GOLGA4: variants seen among roughly 807,000 people sequenced by gnomAD.
The protein encoded by GOLGA4 is golgin A4.
GOLGA4 carries 169 observed loss-of-function variants against 265.9 expected under a neutral mutation model. The observed-to-expected ratio is 0.64, with a 90% CI of 0.56 to 0.72. The LOEUF is 0.72. Ranked by LOEUF, GOLGA4 falls within the 30% of genes least tolerant of loss-of-function variation. The probability of loss-of-function intolerance (pLI) is 0.00; values close to 1 mark genes in which losing one functional copy is unlikely to be tolerated. For missense variants in GOLGA4, 2,482 were observed against 2,483.4 expected (o/e 1.00, Z 0.01); for synonymous variants, 923 against 855.8 (o/e 1.08, Z -1.37).
At position 37,255,390 on chromosome 3, in the gene GOLGA4, C is replaced by T. The variant is rs1002369895; in HGVS notation, c.162+3906C>T. Among the ~76,000 whole-genome samples the T allele has an allele frequency of 5.3e-5, 8 of 151,938 alleles. No homozygotes were observed. In the East Asian group the frequency reaches 1.2e-3, roughly 22 times the overall value. On this transcript the variant is annotated intron_variant, in intron 2 of 23. Coordinates refer to ENST00000361924, the MANE Select transcript of GOLGA4 (RefSeq NM_002078.5). Reference sequence around the variant, plus strand: ...GTTGGCCAGGCTGGTCTTGAACTCCCGACCTCAGGTGATCCATCCGCCTCG... The same window carrying T: ...GTTGGCCAGGCTGGTCTTGAACTCCTGACCTCAGGTGATCCATCCGCCTCG...
In GOLGA4 at chr3:37,326,274, T is replaced by C. The variant is rs1246247349; in HGVS notation, c.4388T>C (p.Leu1463Ser). 4 of 1,613,156 alleles carry C rather than the reference T, an allele frequency of 2.5e-6. No individual in the cohort carries two copies. The highest frequency in any genetic ancestry group is 3.4e-6 in the Non-Finnish European group (4 of 1,179,528). Reference protein sequence around the residue: ...FTQHQNTVKELQIQLELKSKE... With the variant: ...FTQHQNTVKESQIQLELKSKE... ...CAGCATCAAAACACTGTTAAAGAAT[T>C]GCAGATCCAGCTTGAGTTAAAATCA... Residue 1463 changes from leucine (L) to serine (S), a missense_variant, in exon 14 of 24, where the codon TTG (leucine) becomes TCG (serine). Transcript: ENST00000361924.
intron 2 of GOLGA4, among the ~76,000 whole-genome samples, chr3:37,257,163 A>C (rs1480049828): frequency 6.6e-6 from 1 of 152,190 alleles, no homozygotes; most frequent in Non-Finnish European, 1.5e-5. Flanking sequence ...TATAAATGGA[A>C]TCATTCGATA....
At chr3:37,288,569 T>C (rs1257002914) in intron 4 of GOLGA4, among the ~76,000 whole-genome samples, 1 of 149,606 alleles carries the variant, frequency 6.7e-6, no homozygotes, top group Non-Finnish European at 1.5e-5. Context: ...CTCTGCCTCC[T>C]GGGTTCACGC....
intron 22 of GOLGA4, among the ~76,000 whole-genome samples, chr3:37,356,025 C>T (rs892831412): frequency 2.0e-5 from 3 of 152,116 alleles, no homozygotes; most frequent in African/African-American, 7.2e-5. Context: ...GTCTGAGCAT[C>T]TCCAATAAAG....
At position 37,327,183 on chromosome 3, in the gene GOLGA4, A is replaced by G. The variant is rs766208650; in HGVS notation, c.5297A>G (p.His1766Arg). The change falls in exon 14 of 24, where the codon CAT becomes CGT. Residue 1766 changes from histidine to arginine, a missense_variant. Physicochemically the swap from His to Arg is conservative, Grantham distance 29. Around this residue, in one of 3 missense-constraint regions of GOLGA4, gnomAD observed 942 missense variants for 983.1 expected, o/e 0.96. Coordinates refer to ENST00000361924, the MANE Select transcript of GOLGA4 (RefSeq NM_002078.5). ...GAAAAAGAAGAGACAGTTTCTTCTCATTTTGAAATGCGATGCCAATACCAG... is the reference window on the plus strand; with the variant it reads ...GAAAAAGAAGAGACAGTTTCTTCTCGTTTTGAAATGCGATGCCAATACCAG... Reference protein sequence around the residue: ...GQEKEETVSSHFEMRCQYQER... With the variant: ...GQEKEETVSSRFEMRCQYQER... The G allele has an allele frequency of 2.5e-6, 4 of 1,613,914 alleles. No homozygotes were observed. In the East Asian group the frequency reaches 8.9e-5, roughly 36 times the overall value.
chr3:37,317,012 C>G (rs2096939586), intron 11 of GOLGA4, among the ~76,000 whole-genome samples: 1 of 152,024 alleles, frequency 6.6e-6, no homozygotes, highest in South Asian at 2.1e-4. Context: ...GAGATTGTTC[C>G]TTAGCCATTG....
At chr3:37,314,426 A>C (rs1342053617) in intron 10 of GOLGA4, among the ~76,000 whole-genome samples, 1 of 151,986 alleles carries the variant, frequency 6.6e-6, no homozygotes, top group Non-Finnish European at 1.5e-5. Flanking sequence ...GGATCACTTG[A>C]GGTCAGGAGT....
chr3:37,266,883 G>A (rs2096785200), intron 2 of GOLGA4: 2 of 1,288,660 alleles, frequency 1.6e-6, no homozygotes, highest in Non-Finnish European at 2.0e-6. Flanking sequence ...TTCTCTCTGA[G>A]TATACTATCT....
intron 5 of GOLGA4, among the ~76,000 whole-genome samples, chr3:37,294,116 T>G (rs1385606626): frequency 1.3e-5 from 2 of 152,228 alleles, no homozygotes; most frequent in Non-Finnish European, 2.9e-5. Context: ...GGTGGCTGGT[T>G]TTGCAGAGAG....
At position 37,302,398 on chromosome 3, in the gene GOLGA4, A is replaced by G. The variant is rs934221419; in HGVS notation, c.1234+66A>G. On this transcript the variant is annotated intron_variant, in intron 10 of 23. Coordinates refer to ENST00000361924, the MANE Select transcript of GOLGA4 (RefSeq NM_002078.5). ...AAGTTATTTAAAGTGCTTGACCAGT[A>G]TTTTTAAAAATGAGTTAAATATTGA... 3.3e-5 allele frequency: 44 copies of G among 1,353,464 alleles called. No homozygotes were observed. In the African/African-American group the frequency reaches 6.4e-4, roughly 20 times the overall value. The allele number at this position is 1,353,464 out of a possible 1,614,324, so 83.8% of individuals were successfully genotyped here.
chr3:37,335,875 G>A (rs548990075), intron 17 of GOLGA4, among the ~76,000 whole-genome samples: 1 of 152,162 alleles, frequency 6.6e-6, no homozygotes, highest in African/African-American at 2.4e-5. Flanking sequence ...CCACAGTTGG[G>A]GAAGGCTGGC....
intron 2 of GOLGA4, among the ~76,000 whole-genome samples, chr3:37,253,864 A>G (rs1377257169): frequency 1.3e-5 from 2 of 152,076 alleles, no homozygotes; most frequent in Non-Finnish European, 2.9e-5. Flanking sequence ...AAAAATACAA[A>G]AATTAGCCAG....
In GOLGA4 at chr3:37,315,542, A is replaced by C; in HGVS notation, c.1357A>C (p.Ile453Leu). The C allele has an allele frequency of 6.2e-7, 1 of 1,614,038 alleles. No homozygotes were observed. Among genetic ancestry groups the C allele is most frequent in the Non-Finnish European group, 8.5e-7 (1 of 1,179,886 alleles). The change falls in exon 11 of 24, where the codon ATC becomes CTC. Residue 453 changes from isoleucine (I) to leucine (L), a missense_variant. Physicochemically the swap from Ile to Leu is conservative, Grantham distance 5. Transcript: ENST00000361924. ...CGAAAAAACAAGTGAGGAGGAACGC[A>C]TCAGTCTTCAACAGGAATTAAGTCG... The part of the protein sequence containing the change: ...TIEKTSEEER[I>L]SLQQELSRVK...
chr3:37,299,340 A>G lies in GOLGA4; in HGVS notation c.1055A>G (p.Lys352Arg). Reference protein sequence around the residue: ...TKLITQLRDAKNLIEQLEQDK... With the variant: ...TKLITQLRDARNLIEQLEQDK... ...CTTATCACTCAGTTGCGTGATGCAA[A>G]GAACTTAATTGAACAGCTTGAACAA... Residue 352 changes from lysine (K) to arginine (R), a missense_variant, in exon 9 of 24, where the codon AAG becomes AGG. Physicochemically the swap from Lys to Arg is conservative, Grantham distance 26. Around this residue, in one of 3 missense-constraint regions of GOLGA4, gnomAD observed 1,536 missense variants for 1,483.7 expected, o/e 1.04. Coordinates refer to ENST00000361924, the MANE Select transcript of GOLGA4 (RefSeq NM_002078.5). The G allele has an allele frequency of 6.2e-7, 1 of 1,613,288 alleles. No individual in the cohort carries two copies. Among genetic ancestry groups the G allele is most frequent in the Non-Finnish European group, 8.5e-7 (1 of 1,179,302 alleles).
chr3:37,276,452 G>T (rs2096819046), intron 2 of GOLGA4: 10 of 1,610,980 alleles, frequency 6.2e-6, no homozygotes, highest in Non-Finnish European at 8.5e-6. Flanking sequence ...GGCCAAGACT[G>T]GTGGGACCCA....
At chr3:37,316,155 G>A (rs2096937007) in intron 11 of GOLGA4, among the ~76,000 whole-genome samples, 1 of 150,122 alleles carries the variant, frequency 6.7e-6, no homozygotes, top group Non-Finnish European at 1.5e-5. Context: ...CATCATCATG[G>A]CCCCTCCCTG....
At chr3:37,244,566 T>G (rs549845394) in intron 1 of GOLGA4, among the ~76,000 whole-genome samples, 3 of 152,358 alleles carry the variant, frequency 2.0e-5, no homozygotes, top group African/African-American at 7.2e-5. Context: ...ACTGAGCAGA[T>G]CTGTCCCTTA....
intron 7 of GOLGA4, among the ~76,000 whole-genome samples, chr3:37,296,962 AT>A (rs1279312878): frequency 4.6e-5 from 7 of 151,898 alleles, no homozygotes; most frequent in African/African-American, 1.5e-4. Flanking sequence ...ACACTGTTTT[AT>A]TAATAGCAGT....
At chr3:37,356,093 C>A (rs2097090230) in intron 22 of GOLGA4, among the ~76,000 whole-genome samples, 1 of 152,086 alleles carries the variant, frequency 6.6e-6, no homozygotes, top group South Asian at 2.1e-4. Flanking sequence ...TGTTTTCTTA[C>A]AAAAGTTCTT....
Sources: gnomAD v4.1 joint callset for allele counts (sites outside exome capture counted in the v4.1 genomes callset) on GRCh38, gnomAD v4.1.1 for gene constraint, gnomAD v4.1.1 regional missense constraint, MANE v1.5 for transcripts, NCBI Gene and HGNC (gene_info 2026-07-23, HGNC 2026-07-21) for gene names.